SULF1: variants seen among roughly 807,000 people sequenced by gnomAD.
SULF1 encodes sulfatase 1, also known as extracellular sulfatase Sulf-1.
In SULF1, 46 loss-of-function variants were observed where a neutral mutation model predicts 110.5. The observed-to-expected ratio is 0.42, with a 90% CI of 0.33 to 0.53. The LOEUF (loss-of-function observed/expected upper bound fraction) is 0.53. SULF1 is among the 20% of genes least tolerant of loss of function. The probability of loss-of-function intolerance (pLI) is 0.12; values close to 1 mark genes in which losing one functional copy is unlikely to be tolerated. For synonymous variants in SULF1, 371 were observed against 387.1 expected, an observed-to-expected ratio of 0.96 and a Z score of 0.49; for missense variants, 941 against 1,094.2, an observed-to-expected ratio of 0.86 and a Z score of 1.98.
intron 3 of SULF1, among the ~76,000 whole-genome samples, chr8:69,510,880 G>T (rs539289021): frequency 6.6e-6 from 1 of 151,556 alleles, no homozygotes; most frequent in African/African-American, 2.4e-5. Context: ...GACTCCCAAA[G>T]TGCTGGGATT....
chr8:69,627,888 C>T, intron 17 of SULF1, 22 bp downstream of exon 17: 1 of 1,570,520 alleles, frequency 6.4e-7, no homozygotes, highest in Non-Finnish European at 8.7e-7. Flanking sequence ...TCCATCCATG[C>T]TCCACTTTCC....
intron 13 of SULF1, among the ~76,000 whole-genome samples, chr8:69,616,701 CG>C (rs1406444725): frequency 1.6e-4 from 19 of 115,966 alleles, no homozygotes; most frequent in Admixed American, 2.0e-4. Flanking sequence ...TGTGCCCGGC[CG>C]TTTTTTTTTT....
At chr8:69,526,490 A>T (rs1186329457) in intron 3 of SULF1, among the ~76,000 whole-genome samples, 1 of 151,898 alleles carries the variant, frequency 6.6e-6, no homozygotes, top group Non-Finnish European at 1.5e-5. Context: ...GGCCAGGCAT[A>T]GTAGCTCATG....
intron 7 of SULF1, 50 bp from the exon 8 acceptor site, chr8:69,588,922 A>T: frequency 6.4e-7 from 1 of 1,567,400 alleles, no homozygotes; most frequent in Non-Finnish European, 8.7e-7. Context: ...ATGCGATCTG[A>T]TGAATGTCAC....
At chr8:69,619,783 G>A (rs755122613) in intron 13 of SULF1, among the ~76,000 whole-genome samples, 1 of 152,204 alleles carries the variant, frequency 6.6e-6, no homozygotes, top group East Asian at 1.9e-4. Context: ...ATGAGAGGGG[G>A]AGCACGCAGA....
chr8:69,499,059 A>G (rs1810601909), intron 2 of SULF1, among the ~76,000 whole-genome samples: 1 of 152,092 alleles, frequency 6.6e-6, no homozygotes, highest in Non-Finnish European at 1.5e-5. Flanking sequence ...GGGTTTCACA[A>G]TGTTGCCCAG....
chr8:69,629,161 G>T (rs1810328528), intron 18 of SULF1, among the ~76,000 whole-genome samples: 1 of 152,092 alleles, frequency 6.6e-6, no homozygotes, highest in Non-Finnish European at 1.5e-5. Flanking sequence ...ATCCTCCCTA[G>T]TAGCTGGGAC....
At chr8:69,581,763 G>A (rs943907390) in intron 6 of SULF1, among the ~76,000 whole-genome samples, 3 of 152,126 alleles carry the variant, frequency 2.0e-5, no homozygotes, top group Non-Finnish European at 2.9e-5. Context: ...ATTGCAGAGC[G>A]CCGCCAGGAA....
intron 1 of SULF1, among the ~76,000 whole-genome samples, chr8:69,467,333 A>G (rs1179535628): frequency 6.6e-6 from 1 of 152,244 alleles, no homozygotes; most frequent in Non-Finnish European, 1.5e-5. Flanking sequence ...CTCAATTTAT[A>G]AAGATTCTTT....
chr8:69,586,242 A>G, intron 6 of SULF1, 115 bp from the exon 7 acceptor site: 1 of 1,091,540 alleles, frequency 9.2e-7, no homozygotes, highest in Non-Finnish European at 1.3e-6. Context: ...ATTCACTATT[A>G]CCTAGGGCAA....
chr8:69,594,720 A>C (rs1807174565), intron 8 of SULF1, among the ~76,000 whole-genome samples: 1 of 152,192 alleles, frequency 6.6e-6, no homozygotes, highest in Non-Finnish European at 1.5e-5. Flanking sequence ...ACAAAAAAAA[A>C]AAATCTGATT....
intron 3 of SULF1, among the ~76,000 whole-genome samples, chr8:69,548,440 G>T (rs539898506): frequency 4.0e-5 from 6 of 149,832 alleles, no homozygotes; most frequent in Admixed American, 3.4e-4. Flanking sequence ...GAGCACTTTG[G>T]ATGTTAACTT....
intron 6 of SULF1, among the ~76,000 whole-genome samples, chr8:69,582,692 A>G (rs1806160054): frequency 7.1e-6 from 1 of 140,366 alleles, no homozygotes; most frequent in Admixed American, 6.8e-5. Context: ...TTCTTGGAAA[A>G]AAAAAAAAAA....
intron 3 of SULF1, among the ~76,000 whole-genome samples, chr8:69,519,692 ATTT>A (rs1055470488): frequency 1.3e-5 from 2 of 152,178 alleles, no homozygotes; most frequent in Non-Finnish European, 2.9e-5. Flanking sequence ...ACCTTCAGAG[ATTT>A]CTGCCTCTAT....
At chr8:69,531,913 C>T (rs1041016706) in intron 3 of SULF1, among the ~76,000 whole-genome samples, 2 of 152,080 alleles carry the variant, frequency 1.3e-5, no homozygotes, top group Non-Finnish European at 1.5e-5. Flanking sequence ...CCTCTAAGGG[C>T]GAAACTGCAT....
At chr8:69,617,163 A>G (rs879420244) in intron 13 of SULF1, among the ~76,000 whole-genome samples, 2 of 151,644 alleles carry the variant, frequency 1.3e-5, no homozygotes, top group Non-Finnish European at 2.9e-5. Context: ...TCTATATAGC[A>G]TATAGTTATA....
intron 1 of SULF1, among the ~76,000 whole-genome samples, chr8:69,493,485 A>G (rs1810093936): frequency 1.6e-5 from 2 of 122,264 alleles, no homozygotes; most frequent in Non-Finnish European, 1.7e-5. Context: ...ACACACACAC[A>G]CACACTCCTT....
intron 15 of SULF1, 49 bp downstream of exon 15, chr8:69,624,246 A>G: frequency 3.9e-6 from 6 of 1,523,614 alleles, no homozygotes; most frequent in Non-Finnish European, 5.3e-6. Context: ...AATTACCACC[A>G]CAACACACCA....
chr8:69,590,958 G>T (rs1002228914), intron 8 of SULF1, among the ~76,000 whole-genome samples: 2 of 152,122 alleles, frequency 1.3e-5, no homozygotes, highest in Admixed American at 1.3e-4. Context: ...CATTTCTGTT[G>T]AATCAGAAAT....
Sources: allele counts gnomAD v4.1 joint callset (sites outside exome capture counted in the v4.1 genomes callset), GRCh38; gene constraint gnomAD v4.1.1; transcripts MANE v1.5; gene names NCBI Gene and HGNC (gene_info 2026-07-23, HGNC 2026-07-21).